The following VAT1L variants were observed in gnomAD, a reference collection of about 807,000 sequenced individuals.
The protein encoded by VAT1L is vesicle amine transport 1 like.
Under a neutral mutation model 44.1 loss-of-function variants are expected in VAT1L, and 34 were observed. The observed-to-expected ratio is 0.77, with a 90% confidence interval of 0.59 to 1.03. The LOEUF (loss-of-function observed/expected upper bound fraction) is 1.03, where lower values mean the gene tolerates loss of function less well. Ranked by LOEUF, VAT1L falls within the 50% of genes least tolerant of loss-of-function variation. The pLI is 0.00. For synonymous variants in VAT1L, 253 were observed against 202.2 expected, an observed-to-expected ratio of 1.25 and a Z score of -2.13; for missense variants, 615 against 538.8, an observed-to-expected ratio of 1.14 and a Z score of -1.40.
chr16:77,956,964 A>T (rs970229546), intron 7 of VAT1L, among the ~76,000 whole-genome samples: 1 of 152,180 alleles, frequency 6.6e-6, no homozygotes, highest in Non-Finnish European at 1.5e-5. Context: ...TACTAAAAAT[A>T]CCACCTATTC....
intron 1 of VAT1L, among the ~76,000 whole-genome samples, chr16:77,808,587 T>C (rs1226869404): frequency 4.6e-5 from 7 of 151,920 alleles, no homozygotes; most frequent in Admixed American, 1.3e-4. Context: ...ATCAGTTTTG[T>C]TTCTGTTTTT....
Position 77,816,987 on chromosome 16 carries a change from G to A in VAT1L, c.300G>A (p.Leu100=). ...TTGACAACCCTCCCAAGACTCCCCT[G>A]GTGCCAGGATTTGAGTGTTCTGGGA... is the stretch of plus-strand genomic sequence containing the variant. ...GNIDNPPKTP[L]VPGFECSGIV... Residue 100 remains leucine, a synonymous_variant, in exon 2 of 9, where the codon CTG becomes CTA. Transcript: ENST00000302536. 5.0e-6 allele frequency: 8 copies of A among 1,614,046 alleles called. No homozygotes were observed. Among genetic ancestry groups the A allele is most frequent in the Non-Finnish European group, 6.8e-6 (8 of 1,179,946 alleles).
intron 7 of VAT1L, among the ~76,000 whole-genome samples, chr16:77,956,583 C>T (rs1017912191): frequency 2.6e-5 from 4 of 152,290 alleles, no homozygotes; most frequent in Admixed American, 2.6e-4. Flanking sequence ...TCATCTCTTT[C>T]CTTGAGACTT....
intron 1 of VAT1L, among the ~76,000 whole-genome samples, chr16:77,794,236 A>G (rs1449050595): frequency 6.6e-6 from 1 of 152,176 alleles, no homozygotes; most frequent in Non-Finnish European, 1.5e-5. Flanking sequence ...AATGTATTTG[A>G]CTGATTTGAA....
chr16:77,894,890 A>G (rs1597087176), intron 7 of VAT1L, among the ~76,000 whole-genome samples: 1 of 152,022 alleles, frequency 6.6e-6, no homozygotes, highest in East Asian at 1.9e-4. Context: ...CCTGGCCTCA[A>G]TCCTTATTAA....
At chr16:77,899,818 A>C (rs1210451988) in intron 7 of VAT1L, among the ~76,000 whole-genome samples, 1 of 152,230 alleles carries the variant, frequency 6.6e-6, no homozygotes, top group Non-Finnish European at 1.5e-5. Flanking sequence ...ACACAACTCT[A>C]CTAAGTAGTA....
At chr16:77,946,279 C>CTTTTTTTTTGTTTTTTTTTTT (rs2017963977) in intron 7 of VAT1L, among the ~76,000 whole-genome samples, 1 of 70,428 alleles carries the variant, frequency 1.4e-5, no homozygotes. Context: ...GTTACTTGTT[C>CTTTTTTTTTGTTTTTTTTTTT]TTTTTTTTTT....
intron 3 of VAT1L, among the ~76,000 whole-genome samples, chr16:77,854,488 G>A (rs924292042): frequency 3.3e-5 from 5 of 152,234 alleles, no homozygotes; most frequent in African/African-American, 4.8e-5. Flanking sequence ...AAATGACAGC[G>A]TGATCTGAAA....
intron 7 of VAT1L, among the ~76,000 whole-genome samples, chr16:77,969,725 G>T (rs774834186): frequency 1.3e-5 from 2 of 152,036 alleles, no homozygotes; most frequent in Non-Finnish European, 2.9e-5. Flanking sequence ...GAGGGGATGA[G>T]TACCAGGCAA....
intron 7 of VAT1L, among the ~76,000 whole-genome samples, chr16:77,927,520 G>A (rs1198914719): frequency 6.6e-6 from 1 of 151,956 alleles, no homozygotes; most frequent in Non-Finnish European, 1.5e-5. Flanking sequence ...TCATCCTATG[G>A]CCACCCTAGG....
intron 7 of VAT1L, among the ~76,000 whole-genome samples, chr16:77,937,696 T>C (rs1408543025): frequency 2.0e-5 from 3 of 152,218 alleles, no homozygotes; most frequent in African/African-American, 7.2e-5. Flanking sequence ...AATAGGCCAG[T>C]TGGAGTTTTG....
At chr16:77,966,531 G>GA (rs2018224461) in intron 7 of VAT1L, among the ~76,000 whole-genome samples, 1 of 152,122 alleles carries the variant, frequency 6.6e-6, no homozygotes. Context: ...GATGAAAGGT[G>GA]AAGAAAAGCA....
intron 7 of VAT1L, among the ~76,000 whole-genome samples, chr16:77,966,568 C>T (rs4144524): frequency 0.64 from 97,992 of 152,034 alleles, 31,765 homozygotes; most frequent in East Asian, 0.75. Context: ...CAACAGTTAC[C>T]AGCTCCAGAA....
chr16:77,904,919 A>G (rs376335394), intron 7 of VAT1L, among the ~76,000 whole-genome samples: 3 of 152,138 alleles, frequency 2.0e-5, no homozygotes, highest in African/African-American at 7.2e-5. Context: ...ACTATTTACC[A>G]AGCCTGGGAC....
At chr16:77,968,040 G>A (rs565310556) in intron 7 of VAT1L, among the ~76,000 whole-genome samples, 1 of 152,224 alleles carries the variant, frequency 6.6e-6, no homozygotes, top group East Asian at 1.9e-4. Flanking sequence ...GTAAAATGGG[G>A]ATATATTTTG....
At chr16:77,894,553 G>A (rs904126937) in intron 7 of VAT1L, among the ~76,000 whole-genome samples, 3 of 152,082 alleles carry the variant, frequency 2.0e-5, no homozygotes, top group African/African-American at 7.2e-5. Context: ...TAGGTCTGGG[G>A]GACTTGGAGA....
At chr16:77,837,054 T>C (rs1173509621) in intron 3 of VAT1L, among the ~76,000 whole-genome samples, 1 of 151,770 alleles carries the variant, frequency 6.6e-6, no homozygotes, top group Non-Finnish European at 1.5e-5. Flanking sequence ...AGCTGGCATG[T>C]GCACTCTCTT....
Position 77,884,358 on chromosome 16 carries a change from C to G in VAT1L, c.883-250C>G, listed in dbSNP as rs399069. Among the ~76,000 whole-genome samples the G allele has an allele frequency of 1, 151,921 of 152,172 alleles. 75,838 individuals are homozygous for G. The highest frequency in any genetic ancestry group is 1 in the Middle Eastern group (294 of 294). The stretch of plus-strand genomic sequence containing the variant: ...GAATTACTTGAACCCGGGAGGCAGA[C>G]GTTGCAGTAAGCTGAGATCATGCCA... On this transcript the variant is annotated intron_variant, in intron 6 of 8. Transcript: ENST00000302536. The surrounding 1 kb of genome is among the most constrained non-coding windows in gnomAD (Gnocchi z 4.5).
At chr16:77,949,391 G>C (rs551842151) in intron 7 of VAT1L, among the ~76,000 whole-genome samples, 1 of 152,152 alleles carries the variant, frequency 6.6e-6, no homozygotes. Flanking sequence ...GGCATCCTAT[G>C]CTGGGGCATC....
Sources: allele counts gnomAD v4.1 joint callset (sites outside exome capture counted in the v4.1 genomes callset), GRCh38; gene constraint gnomAD v4.1.1; non-coding constraint Gnocchi (gnomAD v3.1); transcripts MANE v1.5; gene names NCBI Gene and HGNC (gene_info 2026-07-23, HGNC 2026-07-21).